CPS1: variants seen among roughly 807,000 people sequenced by gnomAD.
The protein encoded by CPS1 is carbamoyl-phosphate synthase [ammonia], mitochondrial.
CPS1 carries 109 observed loss-of-function variants against 174.6 expected under a neutral mutation model. The ratio of observed to expected loss-of-function variants is 0.62; its 90% CI spans 0.53 to 0.73. The LOEUF (loss-of-function observed/expected upper bound fraction) is 0.73. CPS1 is among the 30% of genes least tolerant of loss of function. CPS1 has a pLI of 0.00. For synonymous variants in CPS1, 637 were observed against 632.0 expected, an observed-to-expected ratio of 1.01 and a Z score of -0.12; for missense variants, 1,689 against 1,821.9, an observed-to-expected ratio of 0.93 and a Z score of 1.33.
chr2:210,527,828 T>G (rs1696016272), intron 1 of CPS1, among the ~76,000 whole-genome samples: 1 of 151,774 alleles, frequency 6.6e-6, no homozygotes, highest in Admixed American at 6.6e-5. Flanking sequence ...CAGAGAATTT[T>G]TTGTGGGGGA....
chr2:210,525,124 C>T (rs556879724), intron 1 of CPS1, among the ~76,000 whole-genome samples: 1 of 151,940 alleles, frequency 6.6e-6, no homozygotes, highest in South Asian at 2.1e-4. Context: ...TATTGAAATA[C>T]CTATTATCCC....
intron 6 of CPS1, among the ~76,000 whole-genome samples, 168 bp downstream of exon 6, chr2:210,582,877 T>TA (rs1697973497): frequency 6.6e-6 from 1 of 152,174 alleles, no homozygotes; most frequent in African/African-American, 2.4e-5. Flanking sequence ...TCAGTGCATT[T>TA]AAAGCTGGTT....
chr2:210,591,502 C>T (rs1005104688), intron 9 of CPS1, among the ~76,000 whole-genome samples: 2 of 152,004 alleles, frequency 1.3e-5, no homozygotes, highest in Admixed American at 1.3e-4. Flanking sequence ...TTGTAGTTCT[C>T]TTAAAGTAAG....
chr2:210,488,134 C>G (rs922695650), intron 1 of CPS1, among the ~76,000 whole-genome samples: 1 of 150,162 alleles, frequency 6.7e-6, no homozygotes, highest in African/African-American at 2.4e-5. Context: ...TGCTCTACCA[C>G]CTTTTTCTTT....
At chr2:210,517,483 G>C (rs1486280139) in intron 1 of CPS1, among the ~76,000 whole-genome samples, 1 of 151,988 alleles carries the variant, frequency 6.6e-6, no homozygotes, top group South Asian at 2.1e-4. Flanking sequence ...CAATAGATGT[G>C]TGAATTGCAA....
chr2:210,507,289 T>A (rs1695314924), intron 1 of CPS1, among the ~76,000 whole-genome samples: 1 of 152,042 alleles, frequency 6.6e-6, no homozygotes, highest in African/African-American at 2.4e-5. Context: ...GCTTCATAAG[T>A]GAAGGAGAAA....
intron 21 of CPS1, among the ~76,000 whole-genome samples, chr2:210,633,293 C>T (rs535247795): frequency 1.5e-3 from 235 of 151,828 alleles, no homozygotes; most frequent in Non-Finnish European, 3.1e-3. Flanking sequence ...GAGCTGAGTA[C>T]AAAATTAACT....
chr2:210,644,094 A>C (rs1211469603), intron 25 of CPS1, among the ~76,000 whole-genome samples: 1 of 152,122 alleles, frequency 6.6e-6, no homozygotes, highest in African/African-American at 2.4e-5. Context: ...AAATGGTTTA[A>C]AGAAAGATGA....
intron 1 of CPS1, among the ~76,000 whole-genome samples, chr2:210,562,617 A>G (rs1336020981): frequency 6.6e-6 from 1 of 152,130 alleles, no homozygotes; most frequent in Non-Finnish European, 1.5e-5. Flanking sequence ...TGCTTAGTTC[A>G]GATTTATTTT....
intron 20 of CPS1, among the ~76,000 whole-genome samples, chr2:210,616,210 AC>A (rs1699298292): frequency 6.6e-6 from 1 of 151,918 alleles, no homozygotes; most frequent in South Asian, 2.1e-4. Flanking sequence ...CAAGGCAAGC[AC>A]CTACTCTGTA....
chr2:210,617,224 G>A (rs1699340067), intron 21 of CPS1, among the ~76,000 whole-genome samples: 3 of 151,976 alleles, frequency 2.0e-5, no homozygotes, highest in Admixed American at 6.6e-5. Flanking sequence ...GCTGATGAAA[G>A]CATGGATCAG....
At chr2:210,477,821 C>T in intron 1 of CPS1, 1 of 1,592,554 alleles carries the variant, frequency 6.3e-7, no homozygotes. Flanking sequence ...TTTGAAGGAG[C>T]AACTCACAAG....
rs1005620778 is a variant in CPS1, at chr2:210,675,968, A to T, written c.4274+128A>T. 3 of 697,300 alleles carry T rather than the reference A, an allele frequency of 4.3e-6. No homozygotes were observed. The African/African-American group carries it at 5.3e-5, about 12-fold the overall frequency. The allele number at this position is 697,300 out of a possible 1,614,324, so 43.2% of individuals were successfully genotyped here. On this transcript the variant is annotated intron_variant, in intron 36 of 37. Coordinates refer to ENST00000233072, the MANE Select transcript of CPS1 (RefSeq NM_001875.5). ...AATTTAAAAATGAATACATTTGTGGATGATTGTCAAGTTTCACTCTCCATC... is the reference window on the plus strand; with the variant it reads ...AATTTAAAAATGAATACATTTGTGGTTGATTGTCAAGTTTCACTCTCCATC...
chr2:210,492,689 AAAG>A (rs768206808), intron 1 of CPS1, among the ~76,000 whole-genome samples: 2 of 152,176 alleles, frequency 1.3e-5, no homozygotes, highest in Admixed American at 6.5e-5. Context: ...TAAAATGAGA[AAAG>A]AAGTTTATAT....
At chr2:210,641,723 T>C (rs1243261142) in intron 24 of CPS1, among the ~76,000 whole-genome samples, 3 of 152,224 alleles carry the variant, frequency 2.0e-5, no homozygotes, top group Non-Finnish European at 4.4e-5. Context: ...AAGCTAATAA[T>C]CAAGTGTGTG....
At chr2:210,664,693 T>G (rs1371479319) in intron 33 of CPS1, among the ~76,000 whole-genome samples, 1 of 152,184 alleles carries the variant, frequency 6.6e-6, no homozygotes, top group African/African-American at 2.4e-5. Context: ...TTATGGGAGT[T>G]ATTGAAATAT....
At chr2:210,567,738 G>A (rs1332250536) in intron 1 of CPS1, among the ~76,000 whole-genome samples, 2 of 152,112 alleles carry the variant, frequency 1.3e-5, no homozygotes, top group Non-Finnish European at 2.9e-5. Context: ...GTAGAAGAAA[G>A]CCTAAGGGTA....
intron 28 of CPS1, among the ~76,000 whole-genome samples, chr2:210,653,216 G>T (rs550751658): frequency 6.6e-6 from 1 of 152,252 alleles, no homozygotes; most frequent in East Asian, 1.9e-4. Flanking sequence ...CTGGTAAAAA[G>T]ACAGTGGCCC....
intron 21 of CPS1, among the ~76,000 whole-genome samples, chr2:210,617,157 T>C (rs960958686): frequency 6.6e-6 from 1 of 152,048 alleles, no homozygotes; most frequent in African/African-American, 2.4e-5. Flanking sequence ...ATTTTGATAA[T>C]GTAGTCCTTA....
Sources: gnomAD v4.1 joint callset for allele counts (sites outside exome capture counted in the v4.1 genomes callset) on GRCh38, gnomAD v4.1.1 for gene constraint, MANE v1.5 for transcripts, NCBI Gene and HGNC (gene_info 2026-07-23, HGNC 2026-07-21) for gene names.